Variants in RSL1D1 observed in about 807,000 individuals in gnomAD.
RSL1D1 encodes the protein ribosomal L1 domain containing 1.
A neutral mutation model predicts 44.6 loss-of-function variants in RSL1D1; 34 were observed. The observed-to-expected ratio is 0.76, with a 90% confidence interval of 0.58 to 1.02. The LOEUF (loss-of-function observed/expected upper bound fraction) is 1.02, where lower values mean the gene tolerates loss of function less well. Ranked by LOEUF, RSL1D1 falls within the 50% of genes least tolerant of loss-of-function variation. The pLI is 0.00. For missense variants in RSL1D1, 767 were observed against 568.1 expected (o/e 1.35, Z -3.56); for synonymous variants, 271 against 207.4 (o/e 1.31, Z -2.63).
chr16:11,842,926 T>A (rs1376162775), intron 5 of RSL1D1, among the ~76,000 whole-genome samples: 4 of 147,426 alleles, frequency 2.7e-5, no homozygotes, highest in Non-Finnish European at 3.0e-5. Context: ...CAGCTAATTT[T>A]TTTTTTTTTT....
intron 1 of RSL1D1, 106 bp downstream of exon 1, chr16:11,851,302 C>A (rs749782265): frequency 7.0e-5 from 75 of 1,076,896 alleles, no homozygotes; most frequent in Non-Finnish European, 1.1e-4. Flanking sequence ...GACCGTCCCA[C>A]AGCCCCGGGG....
Position 11,835,407 on chromosome 16 carries a change from TC to T in RSL1D1, c.*2379del, listed in dbSNP as rs138477809. 9,490 of 152,210 alleles carry T rather than the reference TC, an allele frequency of 0.062. 371 individuals are homozygous for T. Among genetic ancestry groups the T allele is most frequent in the South Asian group, 0.16 (754 of 4,826 alleles). The allele number at this position is 152,210 out of a possible 1,614,324, so 9.4% of individuals were successfully genotyped here. ...ATGTAAGCCAGGCTGGTCTCAGAACTCCTGGCCTCAAGTGATCTGCCAGCCT... is the reference window on the plus strand; with the variant it reads ...ATGTAAGCCAGGCTGGTCTCAGAACTCTGGCCTCAAGTGATCTGCCAGCCT... On this transcript the variant is annotated 3_prime_UTR_variant, in exon 9 of 9. Transcript: ENST00000571133.
intron 5 of RSL1D1, among the ~76,000 whole-genome samples, chr16:11,843,871 C>CGA (rs2053781042): frequency 3.7e-5 from 2 of 53,560 alleles, no homozygotes; most frequent in Admixed American, 3.0e-4. Context: ...AACTCTGTCT[C>CGA]AAAAAAAAAA....
In RSL1D1 at chr16:11,836,550, C is replaced by G. The variant is rs986986136; in HGVS notation, c.*1237G>C. ...GTGGAAACGTTAGCAATCTACTCTTCCAAGATTCCTTGGAGTTGTCATACA... is the reference window on the plus strand; with the variant it reads ...GTGGAAACGTTAGCAATCTACTCTTGCAAGATTCCTTGGAGTTGTCATACA... On this transcript the variant is annotated 3_prime_UTR_variant, in exon 9 of 9. Coordinates refer to ENST00000571133, the MANE Select transcript of RSL1D1 (RefSeq NM_015659.3). 2.0e-5 allele frequency: 3 copies of G among 152,186 alleles called. No individual in the cohort carries two copies. The East Asian group carries it at 5.8e-4, about 29-fold the overall frequency. 9.4% of individuals were successfully genotyped at this position (152,186 alleles called of 1,614,324 possible). A position where few individuals can be genotyped will look rare whatever the true frequency, so the allele number is the denominator to read the frequency against.
At chr16:11,842,892 AT>A (rs1490051182) in intron 5 of RSL1D1, among the ~76,000 whole-genome samples, 1 of 149,638 alleles carries the variant, frequency 6.7e-6, no homozygotes, top group Non-Finnish European at 1.5e-5. Context: ...AGTAGCTGAG[AT>A]TACAGGCGCA....
intron 2 of RSL1D1, among the ~76,000 whole-genome samples, chr16:11,848,084 T>C (rs551315646): frequency 1.6e-4 from 25 of 152,182 alleles, no homozygotes; most frequent in Middle Eastern, 3.4e-3. Context: ...AAACCCTGTT[T>C]CTACTAAAAT....
intron 7 of RSL1D1, chr16:11,841,349 C>T (rs1360037064): frequency 1.6e-5 from 3 of 186,864 alleles, no homozygotes; most frequent in Non-Finnish European, 3.4e-5. Flanking sequence ...TCAAGGCTGC[C>T]GTGAGCCTTG....
intron 1 of RSL1D1, chr16:11,850,973 A>G: frequency 4.2e-6 from 1 of 237,768 alleles, no homozygotes; most frequent in Non-Finnish European, 8.4e-6. Flanking sequence ...TACAGGCGTG[A>G]GCCACCGCGC....
Position 11,834,554 on chromosome 16 carries a change from A to G in RSL1D1, c.*3233T>C, listed in dbSNP as rs2053703922. On this transcript the variant is annotated 3_prime_UTR_variant, in exon 9 of 9. Coordinates refer to ENST00000571133, the MANE Select transcript of RSL1D1 (RefSeq NM_015659.3). Reference sequence around the variant, plus strand: ...ACAAAAACCACACAGCTATTGCTGGAAAATTATGTCATGCAGAGAACAGAC... The same window carrying G: ...ACAAAAACCACACAGCTATTGCTGGGAAATTATGTCATGCAGAGAACAGAC... 1 of 152,256 alleles carries G rather than the reference A, an allele frequency of 6.6e-6. No individual in the cohort carries two copies. Among genetic ancestry groups the G allele is most frequent in the African/African-American group, 2.4e-5 (1 of 41,466 alleles). The allele number at this position is 152,256 out of a possible 1,614,324, so 9.4% of individuals were successfully genotyped here. A position where few individuals can be genotyped will look rare whatever the true frequency, so the allele number is the denominator to read the frequency against.
intron 2 of RSL1D1, among the ~76,000 whole-genome samples, chr16:11,848,800 C>CT (rs35932064): frequency 0.45 from 64,959 of 142,954 alleles, 16,248 homozygotes; most frequent in Non-Finnish European, 0.58. Flanking sequence ...GCCAACATAA[C>CT]TTTTTTTTTT....
chr16:11,845,442 G>A (rs1304831952), intron 5 of RSL1D1, among the ~76,000 whole-genome samples: 5 of 152,200 alleles, frequency 3.3e-5, no homozygotes, highest in Admixed American at 6.5e-5. Context: ...TAAAGGACAA[G>A]CTCAAAGCCT....
chr16:11,851,440 G>A lies in RSL1D1; in HGVS notation c.73C>T (p.Pro25Ser), dbSNP rs779708213. Residue 25 changes from proline (P) to serine (S), a missense_variant, in exon 1 of 9, where the codon CCG becomes TCG. Pro to Ser is a moderately conservative substitution (Grantham distance 74). Coordinates refer to ENST00000571133, the MANE Select transcript of RSL1D1 (RefSeq NM_015659.3). ...TGTSTSTPAA[P>S]TARKQLDKEQ... ...TTATCCAGCTGCTTCCGTGCTGTCG[G>A]GGCCGCTGGAGTCGAGGTGGAGGTT... is the stretch of plus-strand genomic sequence containing the variant. The A allele has an allele frequency of 3.7e-6, 6 of 1,614,148 alleles. No individual in the cohort carries two copies. The Admixed American group carries it at 1.0e-4, about 27-fold the overall frequency.
In RSL1D1 at chr16:11,839,969, C is replaced by T. The variant is rs1325073268; in HGVS notation, c.872G>A (p.Arg291Gln). Reference sequence around the variant, plus strand: ...TTGTTTTTCAAAATTTCTTTCTCTTCGTTTTCTCCTTGCCTCCTACCAAAA... The same window carrying T: ...TTGTTTTTCAAAATTTCTTTCTCTTTGTTTTCTCCTTGCCTCCTACCAAAA... ...NKKKKEARRK[R>Q]RERNFEKQKE... The change falls in exon 8 of 9, where the codon CGA (arginine) becomes CAA (glutamine). Residue 291 changes from arginine to glutamine, a missense_variant. Arg to Gln is a conservative substitution (Grantham distance 43). Coordinates refer to ENST00000571133, the MANE Select transcript of RSL1D1 (RefSeq NM_015659.3). 6.8e-6 allele frequency: 11 copies of T among 1,612,044 alleles called. No homozygotes were observed. The highest frequency in any genetic ancestry group is 1.7e-5 in the Admixed American group (1 of 59,556).
At chr16:11,842,032 TA>T in intron 5 of RSL1D1, 32 bp from the exon 6 acceptor site, 1 of 1,479,090 alleles carries the variant, frequency 6.8e-7, no homozygotes. Flanking sequence ...GACAAGATTT[TA>T]AAAAACCATT....
rs1314437233 is a variant in RSL1D1, at chr16:11,851,439, G to C, written c.74C>G (p.Pro25Arg). 6.2e-7 allele frequency: 1 copy of C among 1,614,114 alleles called. No homozygotes were observed. The change falls in exon 1 of 9, where the codon CCG becomes CGG. Residue 25 changes from proline to arginine, a missense_variant. Coordinates refer to ENST00000571133, the MANE Select transcript of RSL1D1 (RefSeq NM_015659.3). ...TGTSTSTPAA[P>R]TARKQLDKEQ... ...TTTATCCAGCTGCTTCCGTGCTGTCGGGGCCGCTGGAGTCGAGGTGGAGGT... is the reference window on the plus strand; with the variant it reads ...TTTATCCAGCTGCTTCCGTGCTGTCCGGGCCGCTGGAGTCGAGGTGGAGGT...
intron 7 of RSL1D1, chr16:11,841,399 C>A: frequency 3.6e-6 from 1 of 276,132 alleles, no homozygotes; most frequent in South Asian, 3.7e-5. Flanking sequence ...CAGAGTGAGA[C>A]CCTGTCTCTC....
At chr16:11,840,567 CA>C (rs1331832215) in intron 7 of RSL1D1, among the ~76,000 whole-genome samples, 21 of 152,054 alleles carry the variant, frequency 1.4e-4, no homozygotes, top group Admixed American at 2.6e-4. Flanking sequence ...AACTCTGTCT[CA>C]AAAACAAAAT....
chr16:11,850,142 G>A, intron 2 of RSL1D1, 137 bp downstream of exon 2: 4 of 827,448 alleles, frequency 4.8e-6, no homozygotes, highest in Non-Finnish European at 5.3e-6. Context: ...GGTTCTTTTG[G>A]ACATAGTTGT....
chr16:11,842,676 A>C (rs2053770828), intron 5 of RSL1D1, among the ~76,000 whole-genome samples: 1 of 151,986 alleles, frequency 6.6e-6, no homozygotes, highest in Non-Finnish European at 1.5e-5. Context: ...ACCCAGCCTA[A>C]ATATGTTTTA....
Sources: gnomAD v4.1 joint callset for allele counts (sites outside exome capture counted in the v4.1 genomes callset) on GRCh38, gnomAD v4.1.1 for gene constraint, MANE v1.5 for transcripts, NCBI Gene and HGNC (gene_info 2026-07-23, HGNC 2026-07-21) for gene names.